Variants in VRK2 observed in about 807,000 individuals in gnomAD.
The protein encoded by VRK2 is VRK serine/threonine kinase 2.
VRK2 carries 60 observed loss-of-function variants against 57.6 expected under a neutral mutation model. That is an observed-to-expected ratio of 1.04 (90% CI 0.85 to 1.29). The LOEUF (loss-of-function observed/expected upper bound fraction) is 1.29, where lower values mean the gene tolerates loss of function less well. Ranked by LOEUF, VRK2 falls within the 50% of genes most tolerant of loss-of-function variation. The pLI is 0.00. For synonymous variants in VRK2, 231 were observed against 199.2 expected (o/e 1.16, Z -1.35); for missense variants, 705 against 588.1 (o/e 1.20, Z -2.06).
intron 3 of VRK2, among the ~76,000 whole-genome samples, chr2:58,040,453 T>C (rs917700852): frequency 2.0e-5 from 3 of 152,182 alleles, no homozygotes; most frequent in East Asian, 1.9e-4. Flanking sequence ...GGTCCTGAAA[T>C]TGGCAGTGAG....
In VRK2 at chr2:58,152,247, T is replaced by C. The variant is rs539618419; in HGVS notation, c.1182+5773T>C. On this transcript the variant is annotated intron_variant, in intron 12 of 12. Transcript: ENST00000340157. ...AGTAACAGCACATCTCAATTATAAC[T>C]AGCCATATTTCAAGTGGTCAAGTCA... 2.8e-3 allele frequency among the ~76,000 whole-genome samples: 423 copies of C among 152,000 alleles called. 1 individual carries two copies. Among genetic ancestry groups the C allele is most frequent in the Non-Finnish European group, 3.6e-3 (244 of 67,788 alleles).
chr2:57,956,699 G>A (rs1671597549), intron 1 of VRK2, among the ~76,000 whole-genome samples: 1 of 152,120 alleles, frequency 6.6e-6, no homozygotes, highest in Admixed American at 6.6e-5. Context: ...GATTATTTAT[G>A]CCTTATTTGG....
intron 2 of VRK2, among the ~76,000 whole-genome samples, chr2:58,072,521 T>C (rs897535762): frequency 2.0e-5 from 3 of 152,040 alleles, no homozygotes; most frequent in African/African-American, 7.2e-5. Context: ...TGTGATCATA[T>C]GATGTTTCTT....
chr2:58,010,795 C>T (rs1042962758), intron 1 of VRK2, among the ~76,000 whole-genome samples: 1 of 152,184 alleles, frequency 6.6e-6, no homozygotes, highest in Non-Finnish European at 1.5e-5. Flanking sequence ...CTGCTCCCAA[C>T]TCCATGGCAG....
chr2:58,081,696 A>G (rs1290191619), intron 2 of VRK2, among the ~76,000 whole-genome samples: 1 of 151,768 alleles, frequency 6.6e-6, no homozygotes, highest in Non-Finnish European at 1.5e-5. Flanking sequence ...TGTTTTTTCT[A>G]CATTGTGTAT....
intron 1 of VRK2, among the ~76,000 whole-genome samples, chr2:57,986,245 G>A (rs1395820392): frequency 3.3e-5 from 5 of 151,738 alleles, no homozygotes; most frequent in Non-Finnish European, 7.4e-5. Context: ...ACCTACATAA[G>A]TAGAAAAATA....
At chr2:57,975,638 T>C (rs1257830967) in intron 1 of VRK2, among the ~76,000 whole-genome samples, 1 of 152,126 alleles carries the variant, frequency 6.6e-6, no homozygotes, top group East Asian at 1.9e-4. Context: ...TTTCAGGCCT[T>C]GTACTCCTCC....
chr2:58,143,041 G>A (rs1443547104), intron 11 of VRK2, among the ~76,000 whole-genome samples: 1 of 151,822 alleles, frequency 6.6e-6, no homozygotes, highest in African/African-American at 2.4e-5. Flanking sequence ...CATATCCAGA[G>A]TTGAATATAT....
At chr2:57,963,449 C>A (rs562610030) in intron 1 of VRK2, among the ~76,000 whole-genome samples, 16 of 152,180 alleles carry the variant, frequency 1.1e-4, no homozygotes, top group African/African-American at 3.9e-4. Context: ...CTTAAATGAC[C>A]TCATATTTTA....
intron 12 of VRK2, among the ~76,000 whole-genome samples, chr2:58,154,277 T>C (rs7602087): frequency 2.0e-5 from 3 of 152,020 alleles, no homozygotes; most frequent in Non-Finnish European, 2.9e-5. Context: ...GCCAATGTTA[T>C]TGATTTCTGC....
intron 1 of VRK2, among the ~76,000 whole-genome samples, chr2:57,965,317 T>A (rs1329207148): frequency 6.6e-6 from 1 of 152,196 alleles, no homozygotes; most frequent in Admixed American, 6.5e-5. Flanking sequence ...AATAGCTAAA[T>A]CTGTTATAAT....
rs879446349 is a variant in VRK2 at position 58,051,350 on chromosome 2, A to AGAAAAAAGGCTCCAG, written c.136+2383_136+2384insGAAAAAAGGCTCCAG. Among the ~76,000 whole-genome samples the AGAAAAAAGGCTCCAG allele has an allele frequency of 4.2e-3, 644 of 152,286 alleles. 2 individuals carry two copies. Among genetic ancestry groups the AGAAAAAAGGCTCCAG allele is most frequent in the Non-Finnish European group, 7.0e-3 (475 of 68,024 alleles). On this transcript the variant is annotated intron_variant, in intron 2 of 12. Coordinates refer to ENST00000340157, the MANE Select transcript of VRK2 (RefSeq NM_006296.7). ...AAAAGGCTCCAGTACTTCAGAATTT[A>AGAAAAAAGGCTCCAG]TAATAAAGATGTGTGTTCCAAATGT...
At chr2:58,083,402 T>G (rs762339553) in intron 2 of VRK2, among the ~76,000 whole-genome samples, 42 of 151,858 alleles carry the variant, frequency 2.8e-4, no homozygotes, top group Middle Eastern at 3.2e-3. Flanking sequence ...TGTTTTAAAA[T>G]GTGAACACTG....
At position 58,139,888 on chromosome 2, in the gene VRK2, G is replaced by A. The variant is rs1326384191; in HGVS notation, c.1023+56G>A. ...TTACCTTCTATGATACTTTTCTATC[G>A]AATGAAATTGTTTTAGGTCTCAAAA... On this transcript the variant is annotated intron_variant, in intron 11 of 12. Transcript: ENST00000340157. 20 of 1,469,416 alleles carry A rather than the reference G, an allele frequency of 1.4e-5. No individual in the cohort carries two copies. The East Asian group carries it at 1.4e-4, about 10-fold the overall frequency. 91.0% of individuals were successfully genotyped at this position (1,469,416 alleles called of 1,614,324 possible).
chr2:58,027,862 A>G (rs1184311595), intron 2 of VRK2, among the ~76,000 whole-genome samples: 3 of 152,158 alleles, frequency 2.0e-5, no homozygotes, highest in Admixed American at 2.0e-4. Context: ...CAGAAATTTA[A>G]ATTTCCATGA....
At chr2:58,140,551 A>G (rs1256259435) in intron 11 of VRK2, among the ~76,000 whole-genome samples, 1 of 151,912 alleles carries the variant, frequency 6.6e-6, no homozygotes, top group Admixed American at 6.6e-5. Flanking sequence ...GTACAGTAAG[A>G]TAGGGTCAGG....
chr2:58,105,500 A>C (rs1446043295), intron 7 of VRK2, among the ~76,000 whole-genome samples: 1 of 151,892 alleles, frequency 6.6e-6, no homozygotes, highest in East Asian at 1.9e-4. Flanking sequence ...CTGAGATATC[A>C]TCTTATGCCA....
chr2:58,149,121 A>G (rs1359712366), intron 12 of VRK2, among the ~76,000 whole-genome samples: 1 of 151,760 alleles, frequency 6.6e-6, no homozygotes, highest in East Asian at 1.9e-4. Context: ...CCTCCAGTGC[A>G]TAAACCTGGT....
At chr2:58,114,456 T>C (rs1676106831) in intron 7 of VRK2, among the ~76,000 whole-genome samples, 1 of 152,168 alleles carries the variant, frequency 6.6e-6, no homozygotes. Flanking sequence ...TCTAAGTTGG[T>C]CTGGTGTCCA....
Sources: gnomAD v4.1 joint callset for allele counts (sites outside exome capture counted in the v4.1 genomes callset) on GRCh38, gnomAD v4.1.1 for gene constraint, MANE v1.5 for transcripts, NCBI Gene and HGNC (gene_info 2026-07-23, HGNC 2026-07-21) for gene names.